The following ZNF236 variants were observed in gnomAD, a reference collection of about 807,000 sequenced individuals.
The protein encoded by ZNF236 is regulated by glucose.
Under a neutral mutation model 191.2 loss-of-function variants are expected in ZNF236, and 50 were observed. That is an observed-to-expected ratio of 0.26 (90% CI 0.21 to 0.33). The LOEUF (loss-of-function observed/expected upper bound fraction) is 0.33. ZNF236 is among the 10% of genes least tolerant of loss of function. The pLI is 1.00. For synonymous variants in ZNF236, 907 were observed against 928.8 expected (o/e 0.98, Z 0.43); for missense variants, 1,754 against 2,374.5 (o/e 0.74, Z 5.43).
intron 10 of ZNF236, chr18:76,895,517 C>CA (rs1209248525): frequency 1.6e-6 from 1 of 624,564 alleles, no homozygotes; most frequent in Non-Finnish European, 2.8e-6. Flanking sequence ...GTCTCAAACA[C>CA]AGATACCGCA....
Position 76,878,053 on chromosome 18 carries a change from A to T in ZNF236, c.885A>T (p.Val295=). 6.2e-7 allele frequency: 1 copy of T among 1,613,154 alleles called. No individual in the cohort carries two copies. Among genetic ancestry groups the T allele is most frequent in the Non-Finnish European group, 8.5e-7 (1 of 1,179,374 alleles). The change falls in exon 7 of 31, where the codon GTA becomes GTT. Residue 295 remains valine (V), a synonymous_variant. Coordinates refer to ENST00000320610, the MANE Select transcript of ZNF236 (RefSeq NM_001306089.2). ...PTYNCTECSC[V]FKSLGSLNTH... Reference sequence around the variant, plus strand: ...ATAACTGTACAGAATGTAGTTGTGTATTTAAAAGTTTAGGCAGCTTAAACA... The same window carrying T: ...ATAACTGTACAGAATGTAGTTGTGTTTTTAAAAGTTTAGGCAGCTTAAACA...
chr18:76,942,832 G>A (rs932971915), intron 26 of ZNF236, among the ~76,000 whole-genome samples: 1 of 150,400 alleles, frequency 6.6e-6, no homozygotes, highest in African/African-American at 2.4e-5. Context: ...TTAAATAATG[G>A]GCAAATTTGG....
intron 5 of ZNF236, among the ~76,000 whole-genome samples, chr18:76,872,301 C>T (rs763203529): frequency 7.9e-5 from 12 of 152,072 alleles, no homozygotes; most frequent in Non-Finnish European, 1.5e-4. Flanking sequence ...GGCAACATAG[C>T]GAGATCCTGT....
intron 3 of ZNF236, among the ~76,000 whole-genome samples, chr18:76,857,354 C>T (rs913359327): frequency 1.3e-5 from 2 of 152,196 alleles, no homozygotes; most frequent in African/African-American, 4.8e-5. Flanking sequence ...AAGCCAGCCC[C>T]CCGACCCTAC....
intron 1 of ZNF236, among the ~76,000 whole-genome samples, chr18:76,825,715 A>G (rs1974994762): frequency 6.6e-6 from 1 of 152,252 alleles, no homozygotes; most frequent in African/African-American, 2.4e-5. Context: ...TTAATTTCTA[A>G]TAGGACAAAC....
Position 76,948,101 on chromosome 18 carries a change from G to A in ZNF236, c.4914+449G>A, listed in dbSNP as rs192025411. ...GTGCGCGCGCGTGTGTTCAAGATCT[G>A]TCATTTGGCTAGTCTTTTTTCTTAA... On this transcript the variant is annotated intron_variant, in intron 27 of 30. Coordinates refer to ENST00000320610, the MANE Select transcript of ZNF236 (RefSeq NM_001306089.2). Among the ~76,000 whole-genome samples, 5 of 152,174 alleles carry A rather than the reference G, an allele frequency of 3.3e-5. No homozygotes were observed. In the East Asian group the frequency reaches 9.7e-4, roughly 29 times the overall value.
rs376248689 is a variant in ZNF236 at position 76,899,089 on chromosome 18, T to C, written c.1761T>C (p.Ile587=). The C allele has an allele frequency of 2.5e-6, 4 of 1,614,052 alleles. No individual in the cohort carries two copies. The African/African-American group carries it at 4.0e-5, about 16-fold the overall frequency. ...FRTSGHRKTH[I]ASHFKHTELR... The stretch of plus-strand genomic sequence containing the variant: ...CCTCAGGCCATAGGAAGACTCACAT[T>C]GCTTCCCACTTTAAACATACGGAAT... Residue 587 remains isoleucine, a synonymous_variant, in exon 11 of 31, where the codon ATT becomes ATC. Coordinates refer to ENST00000320610, the MANE Select transcript of ZNF236 (RefSeq NM_001306089.2).
Position 76,895,026 on chromosome 18 carries a change from G to A in ZNF236, c.1431G>A (p.Glu477=). 1.2e-6 allele frequency: 2 copies of A among 1,609,828 alleles called. No individual in the cohort carries two copies. Among genetic ancestry groups the A allele is most frequent in the Admixed American group, 1.7e-5 (1 of 60,022 alleles). ...CTCCCTTCACAGGCTCCATCCGCGA[G>A]GAGAACGGCGTGCGCTGGCATGTGT... ...KSPFLPGSIR[E]ENGVRWHVCP... The change falls in exon 10 of 31, where the codon GAG becomes GAA. Residue 477 remains glutamate (E), a synonymous_variant. Transcript: ENST00000320610.
rs34297502 is a variant in ZNF236, at chr18:76,878,619, G to GCACACA, written c.984+482_984+487dup. ...CCTACACACAGAGAGACACAGGTGCGCACACACACACACACACACAGGGAC... is the reference window on the plus strand; with the variant it reads ...CCTACACACAGAGAGACACAGGTGCGCACACACACACACACACACACACACAGGGAC... On this transcript the variant is annotated intron_variant, in intron 7 of 30. Coordinates refer to ENST00000320610, the MANE Select transcript of ZNF236 (RefSeq NM_001306089.2). Among the ~76,000 whole-genome samples the GCACACA allele has an allele frequency of 5.3e-5, 8 of 150,046 alleles. No homozygotes were observed. The South Asian group carries it at 1.5e-3, about 28-fold the overall frequency.
At position 76,971,256 on chromosome 18, in the gene ZNF236, A is replaced by G. The variant is rs1167400903; in HGVS notation, c.*2917A>G. ...AGATGAAAATGAAGACATGTTTTCAAACATGCAGATTGAAATGCTACCCCA... is the reference window on the plus strand; with the variant it reads ...AGATGAAAATGAAGACATGTTTTCAGACATGCAGATTGAAATGCTACCCCA... On this transcript the variant is annotated 3_prime_UTR_variant, in exon 31 of 31. Transcript: ENST00000320610. Among the ~76,000 whole-genome samples the G allele has an allele frequency of 6.6e-6, 1 of 152,260 alleles. No individual in the cohort carries two copies. The highest frequency in any genetic ancestry group is 1.5e-5 in the Non-Finnish European group (1 of 68,046).
At chr18:76,884,501 G>A (rs537351617) in intron 9 of ZNF236, among the ~76,000 whole-genome samples, 12 of 152,298 alleles carry the variant, frequency 7.9e-5, no homozygotes, top group African/African-American at 2.6e-4. Context: ...CTTTAAGGAT[G>A]AAAATGGTAT....
intron 18 of ZNF236, 48 bp downstream of exon 18, chr18:76,913,946 C>T (rs1967287909): frequency 6.2e-7 from 1 of 1,601,936 alleles, no homozygotes; most frequent in Non-Finnish European, 8.5e-7. Context: ...AAGAAAAAAG[C>T]TTTATTGAGA....
chr18:76,852,671 ACTCCCC>A (rs1473004277), intron 3 of ZNF236, among the ~76,000 whole-genome samples: 3 of 151,696 alleles, frequency 2.0e-5, no homozygotes, highest in Non-Finnish European at 2.9e-5. Context: ...CCTTCTCTGA[ACTCCCC>A]CTTTGCATTA....
Position 76,875,728 on chromosome 18 carries a change from T to G in ZNF236, c.840+64T>G. ...GGACAGTAGGTATCTTTTGGGTTAA[T>G]AAACGGACCTGAGAAATTCTTTTCC... On this transcript the variant is annotated intron_variant, in intron 6 of 30. Transcript: ENST00000320610. This position sits in a 1 kb window ranked among gnomAD's most constrained non-coding sequence, Gnocchi z 4.3. The G allele has an allele frequency of 3.8e-6, 5 of 1,316,798 alleles. No homozygotes were observed. The highest frequency in any genetic ancestry group is 6.0e-5 in the Admixed American group (2 of 33,586). 81.6% of individuals were successfully genotyped at this position (1,316,798 alleles called of 1,614,324 possible). A position where few individuals can be genotyped will look rare whatever the true frequency, so the allele number is the denominator to read the frequency against.
rs114010893 is a variant in ZNF236, at chr18:76,951,086, G to A, written c.4914+3434G>A. On this transcript the variant is annotated intron_variant, in intron 27 of 30. Coordinates refer to ENST00000320610, the MANE Select transcript of ZNF236 (RefSeq NM_001306089.2). ...TGTAAACAGACGTGCTGTCATTCAG[G>A]CTTTATTGTTTCATTTGTAGAGCAC... 3.0e-3 allele frequency among the ~76,000 whole-genome samples: 455 copies of A among 152,328 alleles called. 1 individual carries two copies. The highest frequency in any genetic ancestry group is 0.011 in the African/African-American group (437 of 41,572).
At chr18:76,873,931 A>G (rs1976646911) in intron 5 of ZNF236, among the ~76,000 whole-genome samples, 1 of 144,936 alleles carries the variant, frequency 6.9e-6, no homozygotes, top group East Asian at 2.0e-4. Flanking sequence ...ACCGGGCCAC[A>G]CTCTCACTGT....
chr18:76,944,579 G>A (rs188153292), intron 26 of ZNF236, among the ~76,000 whole-genome samples: 145 of 152,134 alleles, frequency 9.5e-4, no homozygotes, highest in African/African-American at 3.2e-3. Flanking sequence ...TCAGGAGATC[G>A]AGACCAGCTT....
chr18:76,822,975 C>T (rs1332557902), intron 1 of ZNF236, among the ~76,000 whole-genome samples: 1 of 148,754 alleles, frequency 6.7e-6, no homozygotes, highest in Non-Finnish European at 1.5e-5. Flanking sequence ...CCCCCGCTGG[C>T]CCTGCCGCGG....
At chr18:76,901,484 C>T (rs761755711) in intron 11 of ZNF236, among the ~76,000 whole-genome samples, 8 of 152,172 alleles carry the variant, frequency 5.3e-5, no homozygotes, top group Non-Finnish European at 1.0e-4. Context: ...TCTGGTTGGG[C>T]GCGGTGGCTC....
Sources: gnomAD v4.1 joint callset for allele counts (sites outside exome capture counted in the v4.1 genomes callset) on GRCh38, gnomAD v4.1.1 for gene constraint, Gnocchi (gnomAD v3.1) non-coding constraint, MANE v1.5 for transcripts, NCBI Gene and HGNC (gene_info 2026-07-23, HGNC 2026-07-21) for gene names.